CNTNAP2: variants seen among roughly 807,000 people sequenced by gnomAD.
The protein encoded by CNTNAP2 is contactin associated protein 2.
CNTNAP2 carries 98 observed loss-of-function variants against 155.2 expected under a neutral mutation model. The ratio of observed to expected loss-of-function variants is 0.63; its 90% confidence interval spans 0.54 to 0.75. CNTNAP2 has a LOEUF of 0.75. Among genes scored for constraint, CNTNAP2 ranks in the 30% least tolerant of loss-of-function variants. CNTNAP2 has a pLI of 0.00. For synonymous variants in CNTNAP2, 651 were observed against 631.2 expected (o/e 1.03, Z -0.47); for missense variants, 1,727 against 1,688.1 (o/e 1.02, Z -0.40).
chr7:148,268,152 G>C (rs970816430), intron 21 of CNTNAP2, among the ~76,000 whole-genome samples: 35 of 152,154 alleles, frequency 2.3e-4, no homozygotes, highest in African/African-American at 8.4e-4. Flanking sequence ...AATATTTAAT[G>C]TGAAGCCAAT....
intron 1 of CNTNAP2, among the ~76,000 whole-genome samples, chr7:146,665,240 C>A (rs554068038): frequency 1.3e-5 from 2 of 152,158 alleles, no homozygotes; most frequent in African/African-American, 4.8e-5. Context: ...TGAGCCACCG[C>A]GCCCGGCGTC....
intron 9 of CNTNAP2, among the ~76,000 whole-genome samples, chr7:147,394,289 A>G (rs1796772407): frequency 6.6e-6 from 1 of 152,000 alleles, no homozygotes; most frequent in Non-Finnish European, 1.5e-5. Context: ...CTGTGAGTCA[A>G]TTAAACCTCT....
intron 18 of CNTNAP2, among the ~76,000 whole-genome samples, chr7:148,200,151 A>G (rs919435361): frequency 1.3e-5 from 2 of 152,142 alleles, no homozygotes; most frequent in Non-Finnish European, 2.9e-5. Context: ...TCATAGACAC[A>G]CTCAGAAATC....
At chr7:148,333,966 C>T (rs1286992241) in intron 21 of CNTNAP2, among the ~76,000 whole-genome samples, 1 of 152,188 alleles carries the variant, frequency 6.6e-6, no homozygotes, top group Non-Finnish European at 1.5e-5. Flanking sequence ...CCAGAACTTT[C>T]CCCATGACAT....
chr7:146,579,168 T>C (rs1798570256), intron 1 of CNTNAP2, among the ~76,000 whole-genome samples: 1 of 152,178 alleles, frequency 6.6e-6, no homozygotes, highest in Non-Finnish European at 1.5e-5. Context: ...ACATTTCACT[T>C]GGGAAGGTAC....
At chr7:147,657,347 C>T (rs1795539798) in intron 13 of CNTNAP2, among the ~76,000 whole-genome samples, 1 of 151,972 alleles carries the variant, frequency 6.6e-6, no homozygotes. Context: ...ACAGCTGAAA[C>T]CAGAGTAATT....
chr7:147,033,830 A>C (rs1206980386), intron 3 of CNTNAP2, among the ~76,000 whole-genome samples: 2 of 151,480 alleles, frequency 1.3e-5, no homozygotes, highest in Non-Finnish European at 2.9e-5. Flanking sequence ...GATGCTCTTG[A>C]TACAGGCAAA....
chr7:146,223,227 T>C (rs1016182841), intron 1 of CNTNAP2, among the ~76,000 whole-genome samples: 2 of 152,222 alleles, frequency 1.3e-5, no homozygotes, highest in Non-Finnish European at 2.9e-5. Context: ...CTAGCCAGTC[T>C]GTAGAGACTC....
chr7:146,944,715 A>G (rs1797126227), intron 3 of CNTNAP2, among the ~76,000 whole-genome samples: 1 of 151,958 alleles, frequency 6.6e-6, no homozygotes. Context: ...CATCTCTACT[A>G]AAAATATAAA....
intron 13 of CNTNAP2, among the ~76,000 whole-genome samples, chr7:147,788,383 G>T (rs1797768546): frequency 6.6e-6 from 1 of 152,148 alleles, no homozygotes; most frequent in African/African-American, 2.4e-5. Context: ...AGGCATAGTG[G>T]GGTGTGGCTT....
intron 14 of CNTNAP2, among the ~76,000 whole-genome samples, chr7:147,906,534 G>A (rs1457527361): frequency 2.0e-5 from 3 of 149,478 alleles, no homozygotes; most frequent in Admixed American, 6.7e-5. Flanking sequence ...TCTGTTGCCT[G>A]GGCTGGAGTG....
chr7:148,304,921 G>A (rs1286149351), intron 21 of CNTNAP2, among the ~76,000 whole-genome samples: 1 of 151,914 alleles, frequency 6.6e-6, no homozygotes, highest in South Asian at 2.1e-4. Flanking sequence ...CCATATAATA[G>A]AGCTGTGTTT....
chr7:147,272,664 A>T (rs1046099010), intron 8 of CNTNAP2, among the ~76,000 whole-genome samples: 7 of 138,930 alleles, frequency 5.0e-5, no homozygotes, highest in African/African-American at 1.8e-4. Context: ...CGCCCGGCTA[A>T]TTTTTTTTTT....
At chr7:146,971,443 A>G (rs1275429191) in intron 3 of CNTNAP2, among the ~76,000 whole-genome samples, 1 of 152,192 alleles carries the variant, frequency 6.6e-6, no homozygotes, top group Non-Finnish European at 1.5e-5. Flanking sequence ...TATCTGAGAA[A>G]AATGCAGAGG....
chr7:147,571,170 G>A (rs1160400931), intron 12 of CNTNAP2, among the ~76,000 whole-genome samples: 2 of 151,450 alleles, frequency 1.3e-5, no homozygotes, highest in African/African-American at 4.9e-5. Flanking sequence ...TGCACAATGT[G>A]CAGGTTAGTT....
intron 8 of CNTNAP2, among the ~76,000 whole-genome samples, chr7:147,215,622 A>G (rs1803251623): frequency 6.6e-6 from 1 of 152,156 alleles, no homozygotes; most frequent in Admixed American, 6.5e-5. Flanking sequence ...CCAAGTTTTG[A>G]CAATTATGAA....
chr7:148,042,378 G>A (rs1349586058), intron 15 of CNTNAP2, among the ~76,000 whole-genome samples: 1 of 152,174 alleles, frequency 6.6e-6, no homozygotes, highest in Non-Finnish European at 1.5e-5. Context: ...GAGGGGGAAG[G>A]GAGGAGTTGT....
chr7:146,969,712 T>C (rs866143293), intron 3 of CNTNAP2, among the ~76,000 whole-genome samples: 1 of 151,986 alleles, frequency 6.6e-6, no homozygotes, highest in African/African-American at 2.4e-5. Context: ...GTGTTTACTT[T>C]AAAGTTCATA....
intron 1 of CNTNAP2, among the ~76,000 whole-genome samples, chr7:146,736,208 G>T (rs1801617640): frequency 1.3e-5 from 2 of 152,154 alleles, no homozygotes; most frequent in South Asian, 2.1e-4. Context: ...TGACATAAGG[G>T]ATTTGAGCAT....
Sources: gnomAD v4.1 joint callset for allele counts (sites outside exome capture counted in the v4.1 genomes callset) on GRCh38, gnomAD v4.1.1 for gene constraint, MANE v1.5 for transcripts, NCBI Gene and HGNC (gene_info 2026-07-23, HGNC 2026-07-21) for gene names.